Variants in RGS6 observed in about 807,000 individuals in gnomAD.
The protein encoded by RGS6 is regulator of G protein signaling 6, also known as regulator of G-protein signaling 6.
Under a neutral mutation model 78.5 loss-of-function variants are expected in RGS6, and 30 were observed. The observed-to-expected ratio is 0.38, with a 90% CI of 0.29 to 0.52. The LOEUF (loss-of-function observed/expected upper bound fraction) is 0.52. Among genes scored for constraint, RGS6 ranks in the 20% least tolerant of loss-of-function variants. The pLI is 0.85. For missense variants in RGS6, 495 were observed against 609.7 expected (o/e 0.81, Z 1.98); for synonymous variants, 206 against 206.0 (o/e 1.00, Z 0.00).
At chr14:72,182,508 GTTGCACTCC>G (rs1463695599) in intron 2 of RGS6, among the ~76,000 whole-genome samples, 1 of 151,846 alleles carries the variant, frequency 6.6e-6, no homozygotes, top group Non-Finnish European at 1.5e-5. Context: ...AAAATGCTAG[GTTGCACTCC>G]TTGCACTCCG....
At chr14:72,485,081 C>A (rs2096463625) in intron 12 of RGS6, among the ~76,000 whole-genome samples, 1 of 152,048 alleles carries the variant, frequency 6.6e-6, no homozygotes, top group Non-Finnish European at 1.5e-5. Flanking sequence ...CACAGATCAG[C>A]ATCTTCTAGT....
At chr14:72,590,186 G>T in the RGS6 span, among the ~76,000 whole-genome samples, 2 of 152,252 alleles carry the variant, frequency 1.3e-5, no homozygotes, top group African/African-American at 2.4e-5. Flanking sequence ...TTAATTGCTG[G>T]TGGGAGTTTA....
intron 2 of RGS6, among the ~76,000 whole-genome samples, chr14:72,070,615 A>G (rs10151673): frequency 0.72 from 109,562 of 151,948 alleles, 39,566 homozygotes; most frequent in East Asian, 0.8. Context: ...TTCACCCTGA[A>G]CTCTGAACCC....
At chr14:72,432,144 A>G (rs2094675606) in intron 3 of RGS6, among the ~76,000 whole-genome samples, 1 of 152,192 alleles carries the variant, frequency 6.6e-6, no homozygotes, top group Non-Finnish European at 1.5e-5. Context: ...TGCTGATTAG[A>G]TGTGTCCCTG....
intron 2 of RGS6, among the ~76,000 whole-genome samples, chr14:72,023,772 T>C (rs1247186028): frequency 1.3e-5 from 2 of 152,202 alleles, no homozygotes; most frequent in African/African-American, 4.8e-5. Flanking sequence ...GAATGAGACC[T>C]GGTCCTGGAG....
intron 12 of RGS6, among the ~76,000 whole-genome samples, chr14:72,479,370 G>A (rs1416438701): frequency 6.6e-6 from 1 of 152,190 alleles, no homozygotes; most frequent in Non-Finnish European, 1.5e-5. Flanking sequence ...GTGACATTCT[G>A]AGCCAGATAA....
At chr14:72,153,971 G>C (rs1032957017) in intron 2 of RGS6, among the ~76,000 whole-genome samples, 1 of 152,142 alleles carries the variant, frequency 6.6e-6, no homozygotes. Flanking sequence ...TGAAGTTACT[G>C]CAGGAGACCA....
chr14:71,922,469 C>G, the RGS6 span, among the ~76,000 whole-genome samples: 1 of 152,164 alleles, frequency 6.6e-6, no homozygotes, highest in East Asian at 1.9e-4. Flanking sequence ...TTAAAGACCC[C>G]GAACAGCTTT....
intron 3 of RGS6, among the ~76,000 whole-genome samples, chr14:72,388,526 CAGTT>C (rs1244879212): frequency 6.6e-6 from 1 of 152,132 alleles, no homozygotes; most frequent in Non-Finnish European, 1.5e-5. Context: ...AGTTGCATCT[CAGTT>C]GGTGGGGCTG....
chr14:72,146,546 A>C (rs2096609598), intron 2 of RGS6, among the ~76,000 whole-genome samples: 1 of 152,164 alleles, frequency 6.6e-6, no homozygotes, highest in Non-Finnish European at 1.5e-5. Context: ...TAAACAATTT[A>C]TCTATTTTTG....
At chr14:72,542,878 T>C (rs1484143695) in intron 17 of RGS6, among the ~76,000 whole-genome samples, 1 of 152,208 alleles carries the variant, frequency 6.6e-6, no homozygotes. Flanking sequence ...ATGCCCCCTT[T>C]TCCATGAGAT....
At chr14:72,292,051 C>A (rs910083456) in intron 2 of RGS6, among the ~76,000 whole-genome samples, 99 of 10,392 alleles carry the variant, frequency 9.5e-3, no homozygotes, top group East Asian at 0.1. Flanking sequence ...GAGACATGAA[C>A]ACAGTAACAC....
At position 72,387,421 on chromosome 14, in the gene RGS6, C is replaced by T. The variant is rs111403971; in HGVS notation, c.184+35227C>T. On this transcript the variant is annotated intron_variant, in intron 3 of 17. Transcript: ENST00000553525. The stretch of plus-strand genomic sequence containing the variant: ...AAAATTAGCCAGGTATGGTGGCGGG[C>T]GCCTGTAGTCCCAGCTACCTGGGAG... Among the ~76,000 whole-genome samples, 289 of 152,032 alleles carry T rather than the reference C, an allele frequency of 1.9e-3. 1 individual carries two copies. The highest frequency in any genetic ancestry group is 6.6e-3 in the African/African-American group (272 of 41,484).
chr14:72,522,098 G>A lies in RGS6; in HGVS notation c.1278+3561G>A, dbSNP rs1218510718. On this transcript the variant is annotated intron_variant, in intron 15 of 17. Coordinates refer to ENST00000553525, the MANE Select transcript of RGS6 (RefSeq NM_001204424.2). Reference sequence around the variant, plus strand: ...ACCACAAAATAGCACACACTGGGTGGCTTAAACTACAGAAATTTATCACAG... The same window carrying A: ...ACCACAAAATAGCACACACTGGGTGACTTAAACTACAGAAATTTATCACAG... Among the ~76,000 whole-genome samples the A allele has an allele frequency of 3.3e-5, 5 of 152,300 alleles. No individual in the cohort carries two copies. In the South Asian group the frequency reaches 6.2e-4, roughly 19 times the overall value.
Position 72,330,895 on chromosome 14 carries a change from G to A in RGS6, c.85-21200G>A, listed in dbSNP as rs1330048952. Among the ~76,000 whole-genome samples the A allele has an allele frequency of 3.3e-5, 5 of 152,104 alleles. 1 individual carries two copies. The South Asian group carries it at 8.3e-4, about 25-fold the overall frequency. ...CCCCATCTTCCCAGACAAGCTGCAC[G>A]TTTCTGTCACTCTGTGCTGTTTCCA... is the stretch of plus-strand genomic sequence containing the variant. On this transcript the variant is annotated intron_variant, in intron 2 of 17. Transcript: ENST00000553525.
intron 2 of RGS6, among the ~76,000 whole-genome samples, chr14:72,156,805 ACTGGG>A (rs2096779853): frequency 6.6e-6 from 1 of 152,224 alleles, no homozygotes; most frequent in African/African-American, 2.4e-5. Flanking sequence ...GCGTGCCCAC[ACTGGG>A]CTGGGCACTG....
chr14:72,191,221 CAAGAT>C (rs2097320361), intron 2 of RGS6, among the ~76,000 whole-genome samples: 1 of 152,118 alleles, frequency 6.6e-6, no homozygotes, highest in South Asian at 2.1e-4. Context: ...AGTCAGTAGT[CAAGAT>C]AAATAATATT....
At chr14:72,462,222 C>CATG (rs952123120) in intron 6 of RGS6, among the ~76,000 whole-genome samples, 9 of 152,090 alleles carry the variant, frequency 5.9e-5, no homozygotes, top group African/African-American at 2.2e-4. Flanking sequence ...GGAGAGGCAG[C>CATG]ATGATGCAGG....
At chr14:72,112,817 C>T (rs913817644) in intron 2 of RGS6, among the ~76,000 whole-genome samples, 2 of 152,114 alleles carry the variant, frequency 1.3e-5, no homozygotes, top group African/African-American at 2.4e-5. Flanking sequence ...CTGACTGAGA[C>T]CCCCCAATGT....
Sources: allele counts gnomAD v4.1 joint callset (sites outside exome capture counted in the v4.1 genomes callset), GRCh38; gene constraint gnomAD v4.1.1; transcripts MANE v1.5; gene names NCBI Gene and HGNC (gene_info 2026-07-23, HGNC 2026-07-21).